Variants in SNX20 observed in about 807,000 individuals in gnomAD.
SNX20 encodes sorting nexin 20.
Under a neutral mutation model 24.5 loss-of-function variants are expected in SNX20, and 21 were observed. That is an observed-to-expected ratio of 0.86 (90% CI 0.61 to 1.23). The LOEUF (loss-of-function observed/expected upper bound fraction) is 1.23, where lower values mean the gene tolerates loss of function less well. Among genes scored for constraint, SNX20 ranks in the 50% most tolerant of loss-of-function variants. SNX20 has a pLI of 0.00. For missense variants in SNX20, 433 were observed against 430.8 expected (o/e 1.00, Z -0.04); for synonymous variants, 206 against 192.8 (o/e 1.07, Z -0.57).
chr16:50,673,628 G>C lies in SNX20; in HGVS notation c.729C>G (p.Pro243=). 6 of 1,556,298 alleles carry C rather than the reference G, an allele frequency of 3.9e-6. No homozygotes were observed. Among genetic ancestry groups the C allele is most frequent in the Non-Finnish European group, 4.3e-6 (5 of 1,160,582 alleles). Residue 243 remains proline, a synonymous_variant, in exon 4 of 4, where the codon CCC becomes CCG. Coordinates refer to ENST00000330943, the MANE Select transcript of SNX20 (RefSeq NM_182854.4). The surrounding 1 kb of genome is among the most constrained non-coding windows in gnomAD (Gnocchi z 4.1). ...TCTCTCCGGCCGCGAAGGCCTCGGCGGGGCGGTCGAGGTCGCGGTGGCACA... is the reference window on the plus strand; with the variant it reads ...TCTCTCCGGCCGCGAAGGCCTCGGCCGGGCGGTCGAGGTCGCGGTGGCACA... ...VLLCHRDLDR[P]AEAFAAGERA...
At chr16:50,674,252 TA>T (rs1567369865) in intron 3 of SNX20, among the ~76,000 whole-genome samples, 178 bp from the exon 4 acceptor site, 165 of 150,794 alleles carry the variant, frequency 1.1e-3, no homozygotes, top group African/African-American at 4.0e-3. Context: ...TTTATTTATT[TA>T]TTTATTTATT....
chr16:50,672,823 G>C lies in SNX20; in HGVS notation c.*583C>G, dbSNP rs2098972743. 1 of 152,128 alleles carries C rather than the reference G, an allele frequency of 6.6e-6. No individual in the cohort carries two copies. The highest frequency in any genetic ancestry group is 1.5e-5 in the Non-Finnish European group (1 of 68,072). 9.4% of individuals were successfully genotyped at this position (152,128 alleles called of 1,614,324 possible). ...GTGGACACTGCTCTGGACGGTTTTG[G>C]CAGTTGGTTTTGTGTTTTGGAGATG... On this transcript the variant is annotated 3_prime_UTR_variant, in exon 4 of 4. Transcript: ENST00000330943.
At chr16:50,668,118 G>A, downstream of SNX20, 1 of 1,550,782 alleles carries the variant, frequency 6.4e-7, no homozygotes. Flanking sequence ...AGCACACAGG[G>A]CTGAACACTC....
chr16:50,674,591 T>C (rs938161435), intron 3 of SNX20, among the ~76,000 whole-genome samples: 2 of 152,118 alleles, frequency 1.3e-5, no homozygotes, highest in African/African-American at 4.8e-5. Flanking sequence ...GAGTCAACCC[T>C]GGAACAACAA....
downstream of SNX20, chr16:50,671,446 C>T (rs1963048489): frequency 6.6e-6 from 1 of 152,210 alleles, no homozygotes; most frequent in African/African-American, 2.4e-5. Context: ...TCCTGTACAA[C>T]AGGCTTATTT....
downstream of SNX20, chr16:50,666,766 G>C (rs911623530): frequency 1.3e-5 from 2 of 152,436 alleles, no homozygotes; most frequent in African/African-American, 2.4e-5. Flanking sequence ...GAAAGGACAC[G>C]TGAGTGTTTA....
chr16:50,668,116 G>C, downstream of SNX20: 1 of 1,550,950 alleles, frequency 6.4e-7, no homozygotes. Context: ...AGAGCACACA[G>C]GGCTGAACAC....
chr16:50,680,257 T>C (rs1963268451), intron 1 of SNX20, among the ~76,000 whole-genome samples: 2 of 152,144 alleles, frequency 1.3e-5, no homozygotes, highest in African/African-American at 4.8e-5. Context: ...CTCTAAAAGC[T>C]CTCTGGGGAT....
At chr16:50,677,312 G>T in intron 2 of SNX20, 85 bp downstream of exon 2, 1 of 1,425,184 alleles carries the variant, frequency 7.0e-7, no homozygotes. Flanking sequence ...CGGGCCTCTT[G>T]CTGCATCCCC....
downstream of SNX20, chr16:50,667,837 C>G: frequency 1.5e-6 from 1 of 655,198 alleles, no homozygotes; most frequent in Non-Finnish European, 2.7e-6. Flanking sequence ...GTGAGGGGGC[C>G]GAGCCTGGGA....
intron 1 of SNX20, among the ~76,000 whole-genome samples, chr16:50,678,322 CA>C: frequency 6.6e-6 from 1 of 152,232 alleles, no homozygotes; most frequent in Middle Eastern, 3.2e-3. Flanking sequence ...ATACCCACTT[CA>C]TACCCATCTA....
At chr16:50,668,563 C>T (rs778216427), downstream of SNX20, 12 of 1,014,662 alleles carry the variant, frequency 1.2e-5, no homozygotes, top group Non-Finnish European at 1.4e-5. Flanking sequence ...GGAGACTGCT[C>T]AAAGGAAAAC....
chr16:50,679,274 G>A (rs1489460455), intron 1 of SNX20, among the ~76,000 whole-genome samples: 2 of 152,168 alleles, frequency 1.3e-5, no homozygotes, highest in Non-Finnish European at 2.9e-5. Flanking sequence ...AGATGGGGGC[G>A]GGAGTCATGC....
intron 3 of SNX20, among the ~76,000 whole-genome samples, chr16:50,675,288 A>G (rs887981138): frequency 2.6e-5 from 4 of 152,238 alleles, no homozygotes; most frequent in African/African-American, 9.6e-5. Context: ...ATAACAGCAC[A>G]TAGCTTTCCT....
At chr16:50,679,873 G>A (rs1230282105) in intron 1 of SNX20, among the ~76,000 whole-genome samples, 8 of 152,208 alleles carry the variant, frequency 5.3e-5, no homozygotes, top group African/African-American at 1.4e-4. Flanking sequence ...GGGTGATGGC[G>A]AGTGGCCTTG....
downstream of SNX20, chr16:50,667,838 G>A (rs1049123334): frequency 2.7e-5 from 18 of 656,594 alleles, no homozygotes; most frequent in Non-Finnish European, 3.5e-5. Flanking sequence ...TGAGGGGGCC[G>A]AGCCTGGGAG....
chr16:50,675,702 A>G (rs1963164303), intron 3 of SNX20, 68 bp downstream of exon 3: 8 of 1,589,226 alleles, frequency 5.0e-6, no homozygotes, highest in Non-Finnish European at 6.8e-6. Flanking sequence ...GAGGCTCTAC[A>G]AGACTTATTC....
At position 50,673,216 on chromosome 16, in the gene SNX20, G is replaced by T; in HGVS notation, c.*190C>A. On this transcript the variant is annotated 3_prime_UTR_variant, in exon 4 of 4. Transcript: ENST00000330943. This position sits in a 1 kb window ranked among gnomAD's most constrained non-coding sequence, Gnocchi z 4.1. The stretch of plus-strand genomic sequence containing the variant: ...CTTGGGAGGCTGAGGTGGGAGGATT[G>T]CTTGTGCCCAGGAGTTTGAGGCTGC... 2 of 994,830 alleles carry T rather than the reference G, an allele frequency of 2.0e-6. No individual in the cohort carries two copies. Among genetic ancestry groups the T allele is most frequent in the Non-Finnish European group, 2.6e-6 (2 of 764,476 alleles). The allele number at this position is 994,830 out of a possible 1,614,324, so 61.6% of individuals were successfully genotyped here.
chr16:50,674,024 G>A lies in SNX20; in HGVS notation c.333C>T (p.Ala111=). The A allele has an allele frequency of 6.2e-7, 1 of 1,609,938 alleles. No homozygotes were observed. Among genetic ancestry groups the A allele is most frequent in the Non-Finnish European group, 8.5e-7 (1 of 1,178,122 alleles). ...AGTCGGAATAGCGCCGTTCCAGGAC[G>A]GCCTTGTTGTTGTCAAAGCTCCCAG... ...IQTGSFDNNK[A]VLERRYSDFA... is the part of the protein sequence containing the mutation. Residue 111 remains alanine, a synonymous_variant, in exon 4 of 4, where the codon GCC becomes GCT. Coordinates refer to ENST00000330943, the MANE Select transcript of SNX20 (RefSeq NM_182854.4).
Sources: allele counts gnomAD v4.1 joint callset (sites outside exome capture counted in the v4.1 genomes callset), GRCh38; gene constraint gnomAD v4.1.1; non-coding constraint Gnocchi (gnomAD v3.1); transcripts MANE v1.5; gene names NCBI Gene and HGNC (gene_info 2026-07-23, HGNC 2026-07-21).